CAMKK2: variants seen among roughly 807,000 people sequenced by gnomAD.
The protein encoded by CAMKK2 is calcium/calmodulin-dependent protein kinase kinase 2.
Under a neutral mutation model 67.2 loss-of-function variants are expected in CAMKK2, and 30 were observed. The observed-to-expected ratio is 0.45, with a 90% CI of 0.33 to 0.61. The LOEUF (loss-of-function observed/expected upper bound fraction) is 0.61. CAMKK2 is among the 20% of genes least tolerant of loss of function. The pLI is 0.02. For synonymous variants in CAMKK2, 322 were observed against 326.2 expected (o/e 0.99, Z 0.14); for missense variants, 643 against 802.0 (o/e 0.80, Z 2.39).
chr12:121,266,250 C>T (rs558007746), intron 5 of CAMKK2, among the ~76,000 whole-genome samples: 16 of 152,296 alleles, frequency 1.1e-4, no homozygotes, highest in African/African-American at 3.6e-4. Context: ...ATGAACCAGC[C>T]TCCAGAAGTG....
Position 121,239,825 on chromosome 12 carries a change from AGT to A in CAMKK2, c.*872_*873del, listed in dbSNP as rs1386472673. 2.0e-5 allele frequency: 3 copies of A among 152,804 alleles called. No individual in the cohort carries two copies. Among genetic ancestry groups the A allele is most frequent in the African/African-American group, 7.2e-5 (3 of 41,456 alleles). The allele number at this position is 152,804 out of a possible 1,614,324, so 9.5% of individuals were successfully genotyped here. ...ACTACTGTGCTCTAGAGTTCACTCTAGTTAGAGACTTGAAAAATGTTTTTGTT... is the reference window on the plus strand; with the variant it reads ...ACTACTGTGCTCTAGAGTTCACTCTATAGAGACTTGAAAAATGTTTTTGTT... On this transcript the variant is annotated 3_prime_UTR_variant, in exon 17 of 17. Transcript: ENST00000404169.
At position 121,253,520 on chromosome 12, in the gene CAMKK2, G is replaced by C; in HGVS notation, c.908-48C>G. On this transcript the variant is annotated intron_variant, in intron 9 of 16. Transcript: ENST00000404169. The surrounding 1 kb of genome is among the most constrained non-coding windows in gnomAD (Gnocchi z 5.0). ...TGGGAGATAGGGGCAGGAAAACCTC[G>C]TGAGCACCTCTATGCGGCCACATGG... The C allele has an allele frequency of 6.7e-7, 1 of 1,503,744 alleles. No individual in the cohort carries two copies. Among genetic ancestry groups the C allele is most frequent in the Non-Finnish European group, 9.3e-7 (1 of 1,080,188 alleles). The allele number at this position is 1,503,744 out of a possible 1,614,324, so 93.2% of individuals were successfully genotyped here.
chr12:121,276,691 T>C (rs1896872327), intron 1 of CAMKK2, among the ~76,000 whole-genome samples: 1 of 151,372 alleles, frequency 6.6e-6, no homozygotes, highest in African/African-American at 2.4e-5. Context: ...CTCTGGACCA[T>C]CCTGGCCAAC....
intron 1 of CAMKK2, among the ~76,000 whole-genome samples, chr12:121,292,218 C>T (rs1228462308): frequency 4.6e-5 from 7 of 151,508 alleles, no homozygotes; most frequent in Admixed American, 2.6e-4. Context: ...ATCCACCTCC[C>T]GGGTTCAAGC....
At chr12:121,286,650 C>T (rs1355004341) in intron 1 of CAMKK2, among the ~76,000 whole-genome samples, 3 of 151,924 alleles carry the variant, frequency 2.0e-5, no homozygotes, top group Non-Finnish European at 4.4e-5. Context: ...CTCAAGCATT[C>T]CTCCCACCTC....
At chr12:121,255,844 T>C in intron 7 of CAMKK2, 40 bp from the exon 8 acceptor site, 3 of 1,602,862 alleles carry the variant, frequency 1.9e-6, no homozygotes, top group Non-Finnish European at 2.6e-6. Context: ...CATGGGAAAC[T>C]GAACATCCAT....
chr12:121,265,280 A>G (rs1894303104), intron 5 of CAMKK2, among the ~76,000 whole-genome samples: 1 of 152,150 alleles, frequency 6.6e-6, no homozygotes, highest in South Asian at 2.1e-4. Context: ...AGGATGTGAA[A>G]GGAGGAAAGC....
chr12:121,253,980 C>T lies in CAMKK2; in HGVS notation c.908-508G>A, dbSNP rs1357385248. ...CCTGGCTGGATATCAGCCCATGGTA[C>T]AGGACAGTTCTATGGCCTGGAAGAC... On this transcript the variant is annotated intron_variant, in intron 9 of 16. Coordinates refer to ENST00000404169, the MANE Select transcript of CAMKK2 (RefSeq NM_001270485.2). The surrounding 1 kb of genome is among the most constrained non-coding windows in gnomAD (Gnocchi z 5.0). Among the ~76,000 whole-genome samples the T allele has an allele frequency of 6.6e-6, 1 of 152,182 alleles. No homozygotes were observed. Among genetic ancestry groups the T allele is most frequent in the Non-Finnish European group, 1.5e-5 (1 of 68,030 alleles).
At chr12:121,244,711 A>C in intron 15 of CAMKK2, 96 bp from the exon 16 acceptor site, 5 of 985,256 alleles carry the variant, frequency 5.1e-6, no homozygotes, top group Non-Finnish European at 7.6e-6. Flanking sequence ...CAGACCCCAA[A>C]CACCAGCTTC....
chr12:121,280,370 AG>A (rs1897538638), intron 1 of CAMKK2, among the ~76,000 whole-genome samples: 1 of 152,214 alleles, frequency 6.6e-6, no homozygotes, highest in Non-Finnish European at 1.5e-5. Flanking sequence ...TCAGTTGAGG[AG>A]GATGTATATC....
intron 1 of CAMKK2, among the ~76,000 whole-genome samples, chr12:121,281,244 G>A (rs1897729038): frequency 6.6e-6 from 1 of 152,262 alleles, no homozygotes; most frequent in Non-Finnish European, 1.5e-5. Flanking sequence ...TTTCCTAGGG[G>A]CTGTTTCCAA....
intron 7 of CAMKK2, among the ~76,000 whole-genome samples, chr12:121,259,381 C>G (rs1209691661): frequency 6.6e-6 from 1 of 152,144 alleles, no homozygotes; most frequent in Non-Finnish European, 1.5e-5. Context: ...GAATGTTGTC[C>G]CTGATGAACC....
chr12:121,262,761 T>C (rs1250564760), intron 6 of CAMKK2, among the ~76,000 whole-genome samples: 1 of 152,078 alleles, frequency 6.6e-6, no homozygotes, highest in Non-Finnish European at 1.5e-5. Context: ...GGTTTCACCA[T>C]GTTGCTCAGG....
upstream of CAMKK2, chr12:121,296,726 C>T (rs1409449768): frequency 6.8e-6 from 1 of 147,138 alleles, no homozygotes; most frequent in Non-Finnish European, 1.5e-5. This position sits in a 1 kb window ranked among gnomAD's most constrained non-coding sequence, Gnocchi z 7.1. Context: ...CCGCGCGCTC[C>T]TCTCCTCCGC....
intron 9 of CAMKK2, among the ~76,000 whole-genome samples, chr12:121,255,218 T>G (rs1231620952): frequency 0.051 from 211 of 4,130 alleles, 4 homozygotes; most frequent in African/African-American, 0.19. Flanking sequence ...ATATATATAA[T>G]TTTATATATA....
At chr12:121,267,541 G>A (rs916138307) in intron 5 of CAMKK2, among the ~76,000 whole-genome samples, 11 of 151,712 alleles carry the variant, frequency 7.3e-5, no homozygotes, top group African/African-American at 2.7e-4. Context: ...CACCCAGGCT[G>A]GAGTGCAGTG....
intron 11 of CAMKK2, among the ~76,000 whole-genome samples, chr12:121,251,659 C>T (rs1223625852): frequency 6.6e-6 from 1 of 151,902 alleles, no homozygotes; most frequent in African/African-American, 2.4e-5. Flanking sequence ...AAAACACTAT[C>T]TCTACAAAAA....
chr12:121,261,424 G>C (rs1006155633), intron 6 of CAMKK2, among the ~76,000 whole-genome samples: 1 of 152,098 alleles, frequency 6.6e-6, no homozygotes, highest in African/African-American at 2.4e-5. Context: ...GCCTGCAACT[G>C]CTATCTCTCT....
intron 5 of CAMKK2, among the ~76,000 whole-genome samples, chr12:121,265,947 G>A (rs990753557): frequency 6.6e-6 from 1 of 152,008 alleles, no homozygotes; most frequent in Admixed American, 6.6e-5. Flanking sequence ...ATGTTTGTTT[G>A]TCTGTTTTGA....
Sources: gnomAD v4.1 joint callset for allele counts (sites outside exome capture counted in the v4.1 genomes callset) on GRCh38, gnomAD v4.1.1 for gene constraint, Gnocchi (gnomAD v3.1) non-coding constraint, MANE v1.5 for transcripts, NCBI Gene and HGNC (gene_info 2026-07-23, HGNC 2026-07-21) for gene names.